The following CNTN4 variants were observed in gnomAD, a reference collection of about 807,000 sequenced individuals.
CNTN4 encodes contactin-4.
Under a neutral mutation model 122.5 loss-of-function variants are expected in CNTN4, and 77 were observed. That is an observed-to-expected ratio of 0.63 (90% CI 0.52 to 0.76). CNTN4 has a LOEUF of 0.76. Ranked by LOEUF, CNTN4 falls within the 30% of genes least tolerant of loss-of-function variation. The probability of loss-of-function intolerance (pLI) is 0.00; values close to 1 mark genes in which losing one functional copy is unlikely to be tolerated. For missense variants in CNTN4, 1,256 were observed against 1,259.1 expected, an observed-to-expected ratio of 1.00 and a Z score of 0.04; for synonymous variants, 512 against 447.0, an observed-to-expected ratio of 1.15 and a Z score of -1.83.
At chr3:2,383,806 CTCTG>C (rs558914767) in intron 3 of CNTN4, among the ~76,000 whole-genome samples, 72 of 150,862 alleles carry the variant, frequency 4.8e-4, no homozygotes, top group Non-Finnish European at 1.0e-3. Context: ...TCTCTTCTCC[CTCTG>C]TCTCCCTCTC....
chr3:2,122,024 C>G (rs2727908), intron 2 of CNTN4, among the ~76,000 whole-genome samples: 44,639 of 148,426 alleles, frequency 0.3, 7,258 homozygotes, highest in Admixed American at 0.43. Context: ...GGCGTGGTGG[C>G]GGCGCCTGTA....
intron 4 of CNTN4, among the ~76,000 whole-genome samples, chr3:2,598,489 A>G (rs967651026): frequency 1.3e-5 from 2 of 152,200 alleles, no homozygotes; most frequent in African/African-American, 2.4e-5. Flanking sequence ...TGATGCTTCA[A>G]TATAGAATTG....
At chr3:2,191,416 C>T (rs2149338071) in intron 2 of CNTN4, among the ~76,000 whole-genome samples, 1 of 152,122 alleles carries the variant, frequency 6.6e-6, no homozygotes, top group African/African-American at 2.4e-5. Flanking sequence ...GGTGGGAGCA[C>T]ACCCCGTAGT....
chr3:2,132,597 A>G (rs1216564703), intron 2 of CNTN4: 4 of 152,178 alleles, frequency 2.6e-5, no homozygotes, highest in Non-Finnish European at 4.4e-5. Context: ...GAGGATAGTG[A>G]TCATGCTGTA....
intron 4 of CNTN4, among the ~76,000 whole-genome samples, chr3:2,608,467 A>G (rs2081348546): frequency 1.2e-5 from 1 of 82,434 alleles, no homozygotes; most frequent in Admixed American, 1.2e-4. Flanking sequence ...CTGTTTAAAA[A>G]AGAAAGAAAG....
At chr3:2,127,046 TA>T (rs2034208148) in intron 2 of CNTN4, among the ~76,000 whole-genome samples, 2 of 152,306 alleles carry the variant, frequency 1.3e-5, no homozygotes, top group South Asian at 4.1e-4. Flanking sequence ...TTTAATGACT[TA>T]TTCTGTCTTT....
chr3:2,122,141 C>T (rs1020659306), intron 2 of CNTN4, among the ~76,000 whole-genome samples: 5 of 141,182 alleles, frequency 3.5e-5, no homozygotes, highest in Admixed American at 7.6e-5. Context: ...GGCGACAGAG[C>T]GACACTCCAT....
chr3:2,312,065 G>A lies in CNTN4; in HGVS notation c.-144-27113G>A, dbSNP rs184104520. ...AAAACTTTTTTTTAAGATAAAAATG[G>A]CACTTTGGGAGGTTAAGGCGGCAGG... On this transcript the variant is annotated intron_variant, in intron 2 of 24. Coordinates refer to ENST00000418658, the MANE Select transcript of CNTN4 (RefSeq NM_175607.3). Among the ~76,000 whole-genome samples, 421 of 151,946 alleles carry A rather than the reference G, an allele frequency of 2.8e-3. 2 individuals carry two copies. The highest frequency in any genetic ancestry group is 0.01 in the Middle Eastern group (3 of 294).
At chr3:2,738,695 A>C (rs114376055) in intron 5 of CNTN4, among the ~76,000 whole-genome samples, 2,201 of 152,306 alleles carry the variant, frequency 0.014, 63 homozygotes, top group African/African-American at 0.05. Flanking sequence ...GTACTAGACA[A>C]TGGATTGTCT....
chr3:2,180,385 C>T (rs2036961902), intron 2 of CNTN4, among the ~76,000 whole-genome samples: 1 of 151,886 alleles, frequency 6.6e-6, no homozygotes, highest in African/African-American at 2.4e-5. Flanking sequence ...TTAACCTTAT[C>T]AATAGTAGAA....
chr3:2,208,865 G>T (rs1471999999), intron 2 of CNTN4, among the ~76,000 whole-genome samples: 1 of 152,146 alleles, frequency 6.6e-6, no homozygotes, highest in South Asian at 2.1e-4. Flanking sequence ...TAGCAATAAA[G>T]TATGTTTAAA....
At chr3:2,361,607 C>G (rs901717789) in intron 3 of CNTN4, among the ~76,000 whole-genome samples, 1 of 152,116 alleles carries the variant, frequency 6.6e-6, no homozygotes, top group Non-Finnish European at 1.5e-5. Flanking sequence ...ATGTGTTTAT[C>G]CAACTGTATT....
intron 13 of CNTN4, among the ~76,000 whole-genome samples, chr3:2,967,344 T>G (rs1692423899): frequency 6.6e-6 from 1 of 152,154 alleles, no homozygotes; most frequent in Admixed American, 6.5e-5. Context: ...GATTTTACAA[T>G]AGTGATATTA....
intron 4 of CNTN4, among the ~76,000 whole-genome samples, chr3:2,585,444 G>A (rs1026034227): frequency 1.3e-5 from 2 of 152,048 alleles, no homozygotes; most frequent in Admixed American, 6.6e-5. Flanking sequence ...CAACCCAAAT[G>A]TCCATCAGTG....
chr3:2,745,309 A>G (rs1284559754), intron 5 of CNTN4, among the ~76,000 whole-genome samples: 1 of 152,214 alleles, frequency 6.6e-6, no homozygotes, highest in Non-Finnish European at 1.5e-5. Flanking sequence ...AAAAATTTTA[A>G]TATCATTGTT....
chr3:2,163,973 TGAGGC>T (rs1187038577), intron 2 of CNTN4, among the ~76,000 whole-genome samples: 1 of 151,984 alleles, frequency 6.6e-6, no homozygotes, highest in East Asian at 1.9e-4. Context: ...AGCTAAGCTG[TGAGGC>T]TGCAAAGGTA....
intron 13 of CNTN4, among the ~76,000 whole-genome samples, chr3:2,981,777 G>T (rs1035237956): frequency 2.0e-5 from 3 of 152,124 alleles, no homozygotes; most frequent in Non-Finnish European, 4.4e-5. Flanking sequence ...GAGTGTGGTG[G>T]CTCACTCCTG....
chr3:2,835,068 C>A (rs2093194633), intron 7 of CNTN4, among the ~76,000 whole-genome samples: 1 of 151,770 alleles, frequency 6.6e-6, no homozygotes, highest in Non-Finnish European at 1.5e-5. Context: ...CCACGCCCGG[C>A]TCATTTTTTT....
At chr3:3,030,431 C>G (rs763866800) in intron 15 of CNTN4, among the ~76,000 whole-genome samples, 9 of 152,196 alleles carry the variant, frequency 5.9e-5, no homozygotes, top group Non-Finnish European at 8.8e-5. Flanking sequence ...CAATAAAATG[C>G]AGATACTTCC....
Sources: gnomAD v4.1 joint callset for allele counts (sites outside exome capture counted in the v4.1 genomes callset) on GRCh38, gnomAD v4.1.1 for gene constraint, MANE v1.5 for transcripts, NCBI Gene and HGNC (gene_info 2026-07-23, HGNC 2026-07-21) for gene names.